The following NOL4 variants were observed in gnomAD, a reference collection of about 807,000 sequenced individuals.
The protein encoded by NOL4 is nucleolar protein 4.
NOL4 carries 17 observed loss-of-function variants against 75.9 expected under a neutral mutation model. That is an observed-to-expected ratio of 0.22 (90% confidence interval 0.15 to 0.34). The LOEUF is 0.34. NOL4 is among the 10% of genes least tolerant of loss of function. The pLI is 1.00. For missense variants in NOL4, 614 were observed against 793.5 expected (o/e 0.77, Z 2.72); for synonymous variants, 292 against 289.9 (o/e 1.01, Z -0.07).
chr18:34,208,148 C>T (rs1281913467), intron 1 of NOL4, among the ~76,000 whole-genome samples: 1 of 152,158 alleles, frequency 6.6e-6, no homozygotes, highest in African/African-American at 2.4e-5. Flanking sequence ...AAAGGAAACT[C>T]ACCCCTTGTG....
At chr18:33,979,707 G>C (rs1389440248) in intron 6 of NOL4, among the ~76,000 whole-genome samples, 1 of 151,796 alleles carries the variant, frequency 6.6e-6, no homozygotes, top group African/African-American at 2.4e-5. Context: ...AAAATTATGT[G>C]AGTATTTACA....
intron 6 of NOL4, among the ~76,000 whole-genome samples, chr18:34,014,830 G>C (rs2074588941): frequency 6.6e-6 from 1 of 151,976 alleles, no homozygotes; most frequent in African/African-American, 2.4e-5. Flanking sequence ...ATAATAATAA[G>C]TAATCAGTAA....
rs932023038 is a variant in NOL4 at position 34,216,611 on chromosome 18, A to C, written c.264+6379T>G. Among the ~76,000 whole-genome samples, 9 of 149,104 alleles carry C rather than the reference A, an allele frequency of 6.0e-5. 1 individual carries two copies. The Middle Eastern group carries it at 0.011, about 180-fold the overall frequency. On this transcript the variant is annotated intron_variant, in intron 1 of 10. Transcript: ENST00000261592. ...CTGACAACACAAACATAATTATAAT[A>C]TAATGAATATAATAAATTATAATAT...
At chr18:34,209,363 T>C (rs1284257578) in intron 1 of NOL4, among the ~76,000 whole-genome samples, 1 of 152,180 alleles carries the variant, frequency 6.6e-6, no homozygotes. Context: ...GAAAGTTATA[T>C]TTTAAACCAT....
At chr18:33,962,241 T>G (rs1399357815) in intron 6 of NOL4, among the ~76,000 whole-genome samples, 1 of 152,180 alleles carries the variant, frequency 6.6e-6, no homozygotes, top group Non-Finnish European at 1.5e-5. Context: ...CCCACATGCT[T>G]TTAAATTTTG....
At chr18:34,030,299 A>C (rs1268480956) in intron 5 of NOL4, among the ~76,000 whole-genome samples, 1 of 152,198 alleles carries the variant, frequency 6.6e-6, no homozygotes, top group Non-Finnish European at 1.5e-5. Flanking sequence ...TATTCAAAGA[A>C]TCCTGAATTC....
chr18:34,192,279 T>C (rs2034975653), intron 1 of NOL4, among the ~76,000 whole-genome samples: 1 of 152,132 alleles, frequency 6.6e-6, no homozygotes, highest in African/African-American at 2.4e-5. Context: ...TGTTAAAACA[T>C]CCATAGTACC....
intron 1 of NOL4, among the ~76,000 whole-genome samples, chr18:34,165,148 G>A (rs1401962448): frequency 1.3e-5 from 2 of 151,344 alleles, no homozygotes; most frequent in Admixed American, 6.6e-5. Flanking sequence ...GCTAAATGAC[G>A]AGTTAATGGG....
intron 1 of NOL4, among the ~76,000 whole-genome samples, chr18:34,142,160 T>C (rs2081196544): frequency 6.6e-6 from 1 of 152,068 alleles, no homozygotes; most frequent in Admixed American, 6.5e-5. Flanking sequence ...AGAATGGTGA[T>C]CATTAAAAAG....
Position 34,022,065 on chromosome 18 carries a change from T to C in NOL4, c.773-2464A>G, listed in dbSNP as rs187249380. Among the ~76,000 whole-genome samples, 385 of 151,440 alleles carry C rather than the reference T, an allele frequency of 2.5e-3. 2 individuals are homozygous for C. Among genetic ancestry groups the C allele is most frequent in the African/African-American group, 8.9e-3 (368 of 41,250 alleles). ...GTTGCAGTGAGCTGAAATCGCGCCA[T>C]TGCACTCCAGCCTGGGCAACAAGAG... On this transcript the variant is annotated intron_variant, in intron 5 of 10. Coordinates refer to ENST00000261592, the MANE Select transcript of NOL4 (RefSeq NM_003787.5).
intron 6 of NOL4, among the ~76,000 whole-genome samples, chr18:34,014,058 A>C (rs547099390): frequency 6.6e-6 from 1 of 152,012 alleles, no homozygotes; most frequent in Admixed American, 6.6e-5. Flanking sequence ...CATCGCTCTT[A>C]GTTTGTAAAA....
chr18:34,128,737 G>C (rs988683835), intron 2 of NOL4: 3 of 223,434 alleles, frequency 1.3e-5, no homozygotes, highest in African/African-American at 4.7e-5. Flanking sequence ...CATGTATTAG[G>C]GGTTATTATG....
intron 2 of NOL4, among the ~76,000 whole-genome samples, chr18:34,113,133 CTT>C (rs1298239229): frequency 6.8e-6 from 1 of 147,796 alleles, no homozygotes; most frequent in Admixed American, 6.7e-5. Flanking sequence ...CTAAGCCCAA[CTT>C]TTTTTGTTTT....
Position 34,019,359 on chromosome 18 carries a change from C to A in NOL4, c.1015G>T (p.Asp339Tyr). Residue 339 changes from aspartate (D) to tyrosine (Y), a missense_variant, in exon 6 of 11, where the codon GAC becomes TAC. Coordinates refer to ENST00000261592, the MANE Select transcript of NOL4 (RefSeq NM_003787.5). Reference protein sequence around the residue: ...KNKYKNLLISDLKMEREAREN... With the variant: ...KNKYKNLLISYLKMEREAREN... ...CTCGCCTCTCGTTCCATCTTGAGGT[C>A]AGAAATTAGAAGATTCTTATACTTG... 6.2e-7 allele frequency: 1 copy of A among 1,613,982 alleles called. No individual in the cohort carries two copies. Among genetic ancestry groups the A allele is most frequent in the South Asian group, 1.1e-5 (1 of 91,062 alleles).
chr18:33,983,849 TTA>T (rs774583026), intron 6 of NOL4, among the ~76,000 whole-genome samples: 29 of 152,140 alleles, frequency 1.9e-4, no homozygotes, highest in Admixed American at 4.6e-4. Flanking sequence ...TACAGACTTG[TTA>T]TATGAGTCAA....
chr18:33,853,276 T>C (rs533581179), intron 10 of NOL4, among the ~76,000 whole-genome samples: 11 of 152,132 alleles, frequency 7.2e-5, no homozygotes, highest in Non-Finnish European at 1.6e-4. Context: ...CACCTCTTGC[T>C]GTAGAGAGAT....
intron 6 of NOL4, among the ~76,000 whole-genome samples, chr18:33,992,433 C>T (rs187167849): frequency 9.6e-4 from 146 of 151,980 alleles, no homozygotes; most frequent in Middle Eastern, 3.4e-3. Flanking sequence ...AAACATACAA[C>T]GAACAAAAAG....
At chr18:34,014,808 GAGTTAATTTGCATAATAATAAGTAATC>G (rs2074586612) in intron 6 of NOL4, among the ~76,000 whole-genome samples, 1 of 152,004 alleles carries the variant, frequency 6.6e-6, no homozygotes, top group African/African-American at 2.4e-5. Flanking sequence ...CTAGTCTAGT[GAGTTAATTTGCATAATAATAAGTAATC>G]AGTAAATGAC....
At chr18:33,962,319 A>G (rs897641413) in intron 6 of NOL4, among the ~76,000 whole-genome samples, 1 of 152,222 alleles carries the variant, frequency 6.6e-6, no homozygotes, top group African/African-American at 2.4e-5. Context: ...ATTAGAAGCC[A>G]GATTAACAAT....
Sources: allele counts gnomAD v4.1 joint callset (sites outside exome capture counted in the v4.1 genomes callset), GRCh38; gene constraint gnomAD v4.1.1; transcripts MANE v1.5; gene names NCBI Gene and HGNC (gene_info 2026-07-23, HGNC 2026-07-21).